MED12: variants seen among roughly 807,000 people sequenced by gnomAD.
MED12 encodes the protein mediator of RNA polymerase II transcription subunit 12.
Under a neutral mutation model 177.7 loss-of-function variants are expected in MED12, and 10 were observed. The observed-to-expected ratio is 0.06, with a 90% confidence interval of 0.03 to 0.10. The LOEUF (loss-of-function observed/expected upper bound fraction) is 0.10, where lower values mean the gene tolerates loss of function less well. Among genes scored for constraint, MED12 ranks in the 10% least tolerant of loss-of-function variants. MED12 has a pLI of 1.00. For missense variants in MED12, 867 were observed against 1,780.8 expected (o/e 0.49, Z 9.23); for synonymous variants, 641 against 678.4 (o/e 0.94, Z 0.86).
rs2147814546 is a variant in MED12, at chrX:71,132,463, C to T, written c.4340C>T (p.Ala1447Val). ...GTCCAGGGACATGTGTTAAAGGCTG[C>T]TGGGGAAGAATTGGAGAAGGGTCAG... is the stretch of plus-strand genomic sequence containing the variant. ...TSVQGHVLKA[A>V]GEELEKGQHL... is the part of the protein sequence containing the mutation. Residue 1447 changes from alanine to valine, a missense_variant, in exon 31 of 45, where the codon GCT (alanine) becomes GTT (valine). Around this residue, in one of 14 missense-constraint regions of MED12, gnomAD observed 17 missense variants for 76.7 expected, o/e 0.22. Transcript: ENST00000374080. 1 of 1,210,163 alleles carries T rather than the reference C, an allele frequency of 8.3e-7. No individual in the cohort carries two copies. Among genetic ancestry groups the T allele is most frequent in the Non-Finnish European group, 1.1e-6 (1 of 894,769 alleles).
At position 71,124,365 on chromosome X, in the gene MED12, GGCA is replaced by G. The variant is rs752904587; in HGVS notation, c.1964_1966del (p.Ser655del). On this transcript the variant is annotated inframe_deletion, in exon 13 of 45. Transcript: ENST00000374080. ...TGACCCAGAGCACAAGGAGGCTGAA[GGCA>G]GCAGCAGCAGCAAGCTGGAAGTGAG... is the stretch of plus-strand genomic sequence containing the variant. The G allele has an allele frequency of 8.3e-7, 1 of 1,205,159 alleles. No individual in the cohort carries two copies. Among genetic ancestry groups the G allele is most frequent in the Admixed American group, 2.2e-5 (1 of 45,513 alleles).
At chrX:71,125,539 C>G (rs760422511) in intron 16 of MED12, 44 bp downstream of exon 16, 3 of 1,192,752 alleles carry the variant, frequency 2.5e-6, no homozygotes, top group Non-Finnish European at 1.1e-6. Context: ...AAAGAATGCC[C>G]TAGTCAGTCT....
At chrX:71,127,246 G>A (rs1352029885) in intron 20 of MED12, 90 bp from the exon 21 acceptor site, 1 of 1,167,157 alleles carries the variant, frequency 8.6e-7, no homozygotes, top group Non-Finnish European at 1.2e-6. Context: ...GCTCAGGTGG[G>A]AAAAGAATGG....
rs780878431 is a variant in MED12, at chrX:71,119,589, A to G, written c.205-97A>G. 83 of 1,102,128 alleles carry G rather than the reference A, an allele frequency of 7.5e-5. 1 individual carries two copies. In the African/African-American group the frequency reaches 1.2e-3, roughly 16 times the overall value. The allele number at this position is 1,102,128 out of a possible 1,213,427, so 90.8% of individuals were successfully genotyped here. ...AACCTAAGTGGCTGAGTTTGCCTTC[A>G]TGACCTAATACTATCTCATTGGCAT... is the stretch of plus-strand genomic sequence containing the variant. On this transcript the variant is annotated intron_variant, in intron 2 of 44. Transcript: ENST00000374080.
rs771266719 is a variant in MED12, at chrX:71,122,571, C to T, written c.1312C>T (p.Arg438Cys). ...GGAGCGGGGACAGGCAGTTGAAGTT[C>T]GCTGGTCTTTCGATAAATGCCAGGA... ...IKERGQAVEVRWSFDKCQEAT... is the reference protein window; with the variant it reads ...IKERGQAVEVCWSFDKCQEAT... Residue 438 changes from arginine to cysteine, a missense_variant, in exon 9 of 45, where the codon CGC (arginine) becomes TGC (cysteine). This residue lies in a region of MED12 where 309 missense variants were observed against 556.3 expected (regional missense o/e 0.56). Transcript: ENST00000374080. 3.3e-6 allele frequency: 4 copies of T among 1,209,093 alleles called. No individual in the cohort carries two copies. The highest frequency in any genetic ancestry group is 4.5e-6 in the Non-Finnish European group (4 of 894,461).
rs1157525906 is a variant in MED12 at position 71,121,623 on chromosome X, G to A, written c.908G>A (p.Arg303Gln). ...LSRRLAYFCT[R>Q]RLALQLDGVS... Reference sequence around the variant, plus strand: ...CGCCGGCTTGCCTACTTCTGTACACGGAGACTGGCCCTGCAGCTGGATGGT... The same window carrying A: ...CGCCGGCTTGCCTACTTCTGTACACAGAGACTGGCCCTGCAGCTGGATGGT... The change falls in exon 7 of 45, where the codon CGG (arginine) becomes CAG (glutamine). Residue 303 changes from arginine to glutamine, a missense_variant. Around this residue, in one of 14 missense-constraint regions of MED12, gnomAD observed 309 missense variants for 556.3 expected, o/e 0.56. Transcript: ENST00000374080. 2 of 1,209,802 alleles carry A rather than the reference G, an allele frequency of 1.7e-6. No individual in the cohort carries two copies. The highest frequency in any genetic ancestry group is 1.1e-6 in the Non-Finnish European group (1 of 895,195).
chrX:71,123,841 G>T, intron 12 of MED12, 121 bp downstream of exon 12: 1 of 777,770 alleles, frequency 1.3e-6, no homozygotes, highest in African/African-American at 2.0e-5. Flanking sequence ...TATGCAGAAT[G>T]ACTTTTAGAT....
In MED12 at chrX:71,122,807, T is replaced by C. The variant is rs1170948506; in HGVS notation, c.1418T>C (p.Phe473Ser). 1 of 1,211,103 alleles carries C rather than the reference T, an allele frequency of 8.3e-7. No homozygotes were observed. Among genetic ancestry groups the C allele is most frequent in the Non-Finnish European group, 1.1e-6 (1 of 894,902 alleles). ...AGCCATAGTTTTGAACGCTCTGACT[T>C]CAGCAACTCTCTTGACTCCCTTTGT... ...LDSHSFERSD[F>S]SNSLDSLCNR... is the part of the protein sequence containing the mutation. Residue 473 changes from phenylalanine to serine, a missense_variant, in exon 10 of 45, where the codon TTC (phenylalanine) becomes TCC (serine). Physicochemically the swap from Phe to Ser is radical, Grantham distance 155. Transcript: ENST00000374080.
At chrX:71,131,513 G>A (rs760962332) in intron 28 of MED12, 37 bp from the exon 29 acceptor site, 4 of 1,190,165 alleles carry the variant, frequency 3.4e-6, no homozygotes, top group Non-Finnish European at 4.6e-6. Context: ...GGGGTAACAC[G>A]ATGATGACTA....
In MED12 at chrX:71,129,151, T is replaced by C; in HGVS notation, c.3513T>C (p.Leu1171=). ...AGGACTCTGAGCCAGGGGCCCGGCT[T>C]ACCTGCCGCATCCTCCTTCACCTTT... is the stretch of plus-strand genomic sequence containing the variant. ...SEQDSEPGAR[L]TCRILLHLFK... is the part of the protein sequence containing the mutation. The change falls in exon 25 of 45, where the codon CTT becomes CTC. Residue 1171 remains leucine (L), a synonymous_variant. Coordinates refer to ENST00000374080, the MANE Select transcript of MED12 (RefSeq NM_005120.3). 1 of 1,211,202 alleles carries C rather than the reference T, an allele frequency of 8.3e-7. No homozygotes were observed. Among genetic ancestry groups the C allele is most frequent in the Middle Eastern group, 2.3e-4 (1 of 4,355 alleles).
Position 71,134,230 on chromosome X carries a change from CA to C in MED12, c.4618-106del, listed in dbSNP as rs35646519. 0.034 allele frequency: 9,656 copies of C among 287,513 alleles called. 67 individuals are homozygous for C. Among genetic ancestry groups the C allele is most frequent in the African/African-American group, 0.14 (2,557 of 17,927 alleles). The allele number at this position is 287,513 out of a possible 1,213,427, so 23.7% of individuals were successfully genotyped here. A position where few individuals can be genotyped will look rare whatever the true frequency, so the allele number is the denominator to read the frequency against. On this transcript the variant is annotated intron_variant, in intron 33 of 44. Transcript: ENST00000374080. The stretch of plus-strand genomic sequence containing the variant: ...TGGGTGACAGAGCGAGACTCCGTCT[CA>C]AAAAAAAAAAAAAAAAAAAACTCAA...
chrX:71,124,071 C>G, intron 12 of MED12, 88 bp from the exon 13 acceptor site: 1 of 786,176 alleles, frequency 1.3e-6, no homozygotes, highest in Non-Finnish European at 1.9e-6. Context: ...TTTGATCACT[C>G]TTATTATTGC....
intron 29 of MED12, 70 bp from the exon 30 acceptor site, chrX:71,132,003 C>G: frequency 9.9e-7 from 1 of 1,006,601 alleles, no homozygotes; most frequent in Non-Finnish European, 1.4e-6. Flanking sequence ...TCTCCGATCT[C>G]TCCTACCATC....
rs958142396 is a variant in MED12, at chrX:71,132,316, A to G, written c.4254-61A>G. 2.8e-4 allele frequency: 335 copies of G among 1,188,338 alleles called. 2 individuals carry two copies. The highest frequency in any genetic ancestry group is 3.6e-4 in the Non-Finnish European group (316 of 876,592). The stretch of plus-strand genomic sequence containing the variant: ...GCATGTCCATCAGGGAAAGGAGAGG[A>G]TAGATTGTTCCAGCCTTGCCTGGCT... On this transcript the variant is annotated intron_variant, in intron 30 of 44. Transcript: ENST00000374080.
chrX:71,137,244 C>T lies in MED12; in HGVS notation c.5609C>T (p.Thr1870Ile). 8.3e-7 allele frequency: 1 copy of T among 1,212,050 alleles called. No homozygotes were observed. The highest frequency in any genetic ancestry group is 1.1e-6 in the Non-Finnish European group (1 of 895,576). Reference protein sequence around the residue: ...PVRLPMQKLPTRPTYPGVLPT... With the variant: ...PVRLPMQKLPIRPTYPGVLPT... ...CGCTTACCAATGCAGAAGCTGCCCA[C>T]CCGACCAACTTACCCTGGAGTGCTG... Residue 1870 changes from threonine (T) to isoleucine (I), a missense_variant, in exon 39 of 45, where the codon ACC (threonine) becomes ATC (isoleucine). Physicochemically the swap from Thr to Ile is moderately conservative, Grantham distance 89. Transcript: ENST00000374080.
rs766775649 is a variant in MED12, at chrX:71,141,247, ACAG to A, written c.6306_6308del (p.Gln2115del). On this transcript the variant is annotated inframe_deletion, in exon 43 of 45. Transcript: ENST00000374080. Reference sequence around the variant, plus strand: ...TCTTATAGCAGCAGCAGCAACAGCAACAGCAGCAGCAGCAGCAGCAGCAACAGC... The same window carrying A: ...TCTTATAGCAGCAGCAGCAACAGCAACAGCAGCAGCAGCAGCAGCAACAGC... 1.2e-4 allele frequency: 134 copies of A among 1,147,185 alleles called. No individual in the cohort carries two copies. Among genetic ancestry groups the A allele is most frequent in the Middle Eastern group, 2.4e-4 (1 of 4,153 alleles). 94.5% of individuals were successfully genotyped at this position (1,147,185 alleles called of 1,213,427 possible).
In MED12 at chrX:71,132,820, C is replaced by CTTCTA. The variant is rs1569481999; in HGVS notation, c.4416-21_4416-20insATTCT. The CTTCTA allele has an allele frequency of 4.1e-6, 4 of 970,389 alleles. No individual in the cohort carries two copies. In the African/African-American group the frequency reaches 8.8e-5, roughly 21 times the overall value. 80.0% of individuals were successfully genotyped at this position (970,389 alleles called of 1,213,427 possible). A position where few individuals can be genotyped will look rare whatever the true frequency, so the allele number is the denominator to read the frequency against. On this transcript the variant is annotated intron_variant, in intron 31 of 44. Coordinates refer to ENST00000374080, the MANE Select transcript of MED12 (RefSeq NM_005120.3). ...CTTCTCTTCTCTTCTCTTCTCTTCT[C>CTTCTA]TTCTCTTCTTTCTCTTGTCTCTAGC...
intron 42 of MED12, 119 bp from the exon 43 acceptor site, chrX:71,141,111 G>T: frequency 8.8e-7 from 1 of 1,132,093 alleles, no homozygotes; most frequent in African/African-American, 1.8e-5. Flanking sequence ...GTCTAAAAAG[G>T]GAAGGCAGTA....
Position 71,120,020 on chromosome X carries a change from A to G in MED12, c.403A>G (p.Ile135Val). Residue 135 changes from isoleucine (I) to valine (V), a missense_variant, in exon 4 of 45, where the codon ATT becomes GTT. Ile to Val is a conservative substitution (Grantham distance 29). Coordinates refer to ENST00000374080, the MANE Select transcript of MED12 (RefSeq NM_005120.3). ...PLTQLAKKVP[I>V]FSKKEEVFGY... ...ATTTGCAATGTCCATCCAGGTCCCC[A>G]TTTTCAGTAAGAAGGAAGAGGTGTT... The G allele has an allele frequency of 8.3e-7, 1 of 1,211,692 alleles. No individual in the cohort carries two copies. The highest frequency in any genetic ancestry group is 1.1e-6 in the Non-Finnish European group (1 of 895,493).
Sources: gnomAD v4.1 joint callset for allele counts on GRCh38, gnomAD v4.1.1 for gene constraint, gnomAD v4.1.1 regional missense constraint, MANE v1.5 for transcripts, NCBI Gene and HGNC (gene_info 2026-07-23, HGNC 2026-07-21) for gene names.